CLASP2: variants seen among roughly 807,000 people sequenced by gnomAD.
The protein encoded by CLASP2 is CLIP-associating protein 2.
Under a neutral mutation model 194.4 loss-of-function variants are expected in CLASP2, and 47 were observed. The observed-to-expected ratio is 0.24, with a 90% CI of 0.19 to 0.31. CLASP2 has a LOEUF of 0.31. Among genes scored for constraint, CLASP2 ranks in the 10% least tolerant of loss-of-function variants. The probability of loss-of-function intolerance (pLI) is 1.00; values close to 1 mark genes in which losing one functional copy is unlikely to be tolerated. For synonymous variants in CLASP2, 619 were observed against 633.5 expected (o/e 0.98, Z 0.34); for missense variants, 1,445 against 1,823.6 (o/e 0.79, Z 3.78).
At chr3:33,573,383 G>A in intron 24 of CLASP2, 29 bp from the exon 25 acceptor site, 1 of 1,606,934 alleles carries the variant, frequency 6.2e-7, no homozygotes, top group Non-Finnish European at 8.5e-7. Context: ...CTCATTAGCA[G>A]TAGCCAAAAG....
At chr3:33,664,147 T>A (rs972311197) in intron 6 of CLASP2, among the ~76,000 whole-genome samples, 1 of 152,166 alleles carries the variant, frequency 6.6e-6, no homozygotes, top group African/African-American at 2.4e-5. Context: ...TTAGGAAATA[T>A]AAATAGGAAC....
At chr3:33,674,756 TC>T (rs763075514) in intron 6 of CLASP2, among the ~76,000 whole-genome samples, 148 of 152,012 alleles carry the variant, frequency 9.7e-4, no homozygotes, top group Non-Finnish European at 1.7e-3. Context: ...AAAGGGGATA[TC>T]ACCACCGATC....
intron 36 of CLASP2, among the ~76,000 whole-genome samples, chr3:33,513,842 T>C (rs1415871320): frequency 6.6e-6 from 1 of 152,220 alleles, no homozygotes; most frequent in African/African-American, 2.4e-5. Context: ...GGCCATCTTT[T>C]CATTGCTGAG....
chr3:33,600,953 C>CTT (rs1205156622), intron 18 of CLASP2, among the ~76,000 whole-genome samples: 2,633 of 105,660 alleles, frequency 0.025, 32 homozygotes, highest in Non-Finnish European at 0.03. Flanking sequence ...CTTGATAAGG[C>CTT]TTTTTTTTTT....
At chr3:33,612,954 TA>T (rs1468696009) in intron 12 of CLASP2, among the ~76,000 whole-genome samples, 1 of 152,166 alleles carries the variant, frequency 6.6e-6, no homozygotes, top group African/African-American at 2.4e-5. Context: ...CAATAAGATC[TA>T]GTGTTCGATA....
intron 22 of CLASP2, 94 bp from the exon 23 acceptor site, chr3:33,582,022 G>A (rs2066278796): frequency 1.5e-6 from 1 of 675,900 alleles, no homozygotes; most frequent in African/African-American, 1.8e-5. Context: ...CTTAAAGACT[G>A]AACAGTAACT....
chr3:33,547,832 G>C (rs982828672), intron 30 of CLASP2, among the ~76,000 whole-genome samples: 1 of 145,116 alleles, frequency 6.9e-6, no homozygotes, highest in Non-Finnish European at 1.5e-5. Flanking sequence ...TCTGTCACTC[G>C]GGCTGGAGTG....
chr3:33,657,475 T>G (rs2084466752), intron 7 of CLASP2, among the ~76,000 whole-genome samples: 1 of 151,896 alleles, frequency 6.6e-6, no homozygotes, highest in African/African-American at 2.4e-5. Context: ...AAAGAAAAAC[T>G]AAGTAAATAT....
intron 7 of CLASP2, chr3:33,659,177 TG>T (rs1192915216): frequency 7.3e-7 from 1 of 1,376,306 alleles, no homozygotes; most frequent in Admixed American, 3.1e-5. Flanking sequence ...AATAAAAGTC[TG>T]GGGTCTTGCT....
intron 12 of CLASP2, among the ~76,000 whole-genome samples, chr3:33,615,675 T>C (rs1310215235): frequency 6.6e-6 from 1 of 151,802 alleles, no homozygotes; most frequent in Non-Finnish European, 1.5e-5. Flanking sequence ...TTGTAAATGA[T>C]AACCAACTAC....
In CLASP2 at chr3:33,671,935, C is replaced by T. The variant is rs558665458; in HGVS notation, c.645-8420G>A. Among the ~76,000 whole-genome samples the T allele has an allele frequency of 4.9e-4, 75 of 152,342 alleles. No individual in the cohort carries two copies. The East Asian group carries it at 0.01, about 21-fold the overall frequency. Reference sequence around the variant, plus strand: ...AGGCTTGCTTAGGTAAACAAAGCAGCTGGGAAGCTCCAACTGGGTGGAGCC... The same window carrying T: ...AGGCTTGCTTAGGTAAACAAAGCAGTTGGGAAGCTCCAACTGGGTGGAGCC... On this transcript the variant is annotated intron_variant, in intron 6 of 38. Coordinates refer to ENST00000682230, the MANE Select transcript of CLASP2 (RefSeq NM_001365631.1).
chr3:33,581,821 C>A lies in CLASP2; in HGVS notation c.2347G>T (p.Gly783Cys), dbSNP rs530462971. Residue 783 changes from glycine (G) to cysteine (C), a missense_variant and splice_region_variant, in exon 23 of 39, where the codon GGT becomes TGT. Coordinates refer to ENST00000682230, the MANE Select transcript of CLASP2 (RefSeq NM_001365631.1). ...ACATAACACCTGCCCGAATACGTACCGAGGGGCTGAAAAGAGCGAACAGGA... is the reference window on the plus strand; with the variant it reads ...ACATAACACCTGCCCGAATACGTACAGAGGGGCTGAAAAGAGCGAACAGGA... ...TSPVRSFQPL[G>C]PGYGISQSSR... is the part of the protein sequence containing the mutation. 1.2e-6 allele frequency: 2 copies of A among 1,610,410 alleles called. No individual in the cohort carries two copies. Among genetic ancestry groups the A allele is most frequent in the Admixed American group, 1.7e-5 (1 of 59,854 alleles).
In CLASP2 at chr3:33,588,658, T is replaced by C. The variant is rs149493639; in HGVS notation, c.2068+3737A>G. The C allele has an allele frequency of 3.4e-4, 239 of 699,896 alleles. 1 individual carries two copies. The East Asian group carries it at 5.0e-3, about 15-fold the overall frequency. The allele number at this position is 699,896 out of a possible 1,614,324, so 43.4% of individuals were successfully genotyped here. On this transcript the variant is annotated intron_variant, in intron 21 of 38. Coordinates refer to ENST00000682230, the MANE Select transcript of CLASP2 (RefSeq NM_001365631.1). ...TAGAACCCATTCTTCATAATGAAAA[T>C]AGGTGATCAAACAACAGATGCACAC...
chr3:33,581,170 C>T (rs2066051174), intron 23 of CLASP2, among the ~76,000 whole-genome samples: 1 of 152,008 alleles, frequency 6.6e-6, no homozygotes, highest in Non-Finnish European at 1.5e-5. Flanking sequence ...CAAAACTGTA[C>T]CTCTCCAGTT....
intron 9 of CLASP2, 180 bp from the exon 10 acceptor site, chr3:33,627,260 CCTTA>C (rs545636413): frequency 9.3e-5 from 56 of 599,828 alleles, no homozygotes; most frequent in African/African-American, 3.8e-4. Flanking sequence ...TATTTTTCTT[CCTTA>C]CTTGTTACCA....
intron 7 of CLASP2, 147 bp from the exon 8 acceptor site, chr3:33,645,050 T>C (rs1319659576): frequency 6.2e-6 from 5 of 800,318 alleles, no homozygotes; most frequent in Non-Finnish European, 1.0e-5. Context: ...AATAAGCATT[T>C]ATATATTGGC....
At chr3:33,682,267 T>C (rs1424438210) in intron 6 of CLASP2, among the ~76,000 whole-genome samples, 1 of 152,178 alleles carries the variant, frequency 6.6e-6, no homozygotes, top group Non-Finnish European at 1.5e-5. Context: ...AAAAACTTTA[T>C]AGAGTGTGAT....
At chr3:33,617,933 T>TA (rs1553609454) in intron 12 of CLASP2, among the ~76,000 whole-genome samples, 4 of 142,908 alleles carry the variant, frequency 2.8e-5, no homozygotes, top group Non-Finnish European at 6.1e-5. Flanking sequence ...ATTATTATTA[T>TA]TATATATATA....
At chr3:33,696,809 C>T in intron 2 of CLASP2, 46 bp downstream of exon 2, 1 of 1,213,702 alleles carries the variant, frequency 8.2e-7, no homozygotes, top group Non-Finnish European at 1.2e-6. Flanking sequence ...AAAAAGTCAT[C>T]ATGTCAAATC....
Sources: allele counts gnomAD v4.1 joint callset (sites outside exome capture counted in the v4.1 genomes callset), GRCh38; gene constraint gnomAD v4.1.1; transcripts MANE v1.5; gene names NCBI Gene and HGNC (gene_info 2026-07-23, HGNC 2026-07-21).